The following NECAB2 variants were observed in gnomAD, a reference collection of about 807,000 sequenced individuals.
The protein encoded by NECAB2 is N-terminal EF-hand calcium-binding protein 2.
In NECAB2, 68 loss-of-function variants were observed where a neutral mutation model predicts 51.9. The observed-to-expected ratio is 1.31, with a 90% CI of 1.08 to 1.60. NECAB2 has a LOEUF of 1.60. Ranked by LOEUF, NECAB2 falls within the 40% of genes most tolerant of loss-of-function variation. The pLI is 0.00. For missense variants in NECAB2, 854 were observed against 490.3 expected (o/e 1.74, Z -7.00); for synonymous variants, 329 against 203.5 (o/e 1.62, Z -5.25).
At chr16:83,990,237 G>A (rs1597214509) in intron 5 of NECAB2, among the ~76,000 whole-genome samples, 1 of 152,308 alleles carries the variant, frequency 6.6e-6, no homozygotes, top group East Asian at 1.9e-4. Flanking sequence ...ATGCTTCAGT[G>A]ACCCCATTAT....
In NECAB2 at chr16:84,001,929, G is replaced by T. The variant is rs756782738; in HGVS notation, c.1132+13G>T. ...ATCTTGGTGCCAGGTAGGGGGCAAAGGCCTGGAACTGCAGTGGCCACCTGA... is the reference window on the plus strand; with the variant it reads ...ATCTTGGTGCCAGGTAGGGGGCAAATGCCTGGAACTGCAGTGGCCACCTGA... On this transcript the variant is annotated intron_variant, in intron 12 of 12. Transcript: ENST00000305202. 6.2e-7 allele frequency: 1 copy of T among 1,612,778 alleles called. No individual in the cohort carries two copies. Among genetic ancestry groups the T allele is most frequent in the South Asian group, 1.1e-5 (1 of 90,932 alleles).
chr16:83,969,435 G>A (rs1313925250), intron 1 of NECAB2, among the ~76,000 whole-genome samples: 1 of 151,502 alleles, frequency 6.6e-6, no homozygotes, highest in Non-Finnish European at 1.5e-5. Flanking sequence ...CAGAGCCATC[G>A]CCCATCAGCC....
Position 83,968,721 on chromosome 16 carries a change from C to G in NECAB2, c.73C>G (p.Arg25Gly), listed in dbSNP as rs1338924875. ...GCTCCGGGAGCCGCCGCAGCAGGGC[C>G]GGGCGCTGGGCGGGCTGCTGCGCTG... The part of the protein sequence containing the change: ...RLLREPPQQG[R>G]ALGGLLRWVG... The change falls in exon 1 of 13, where the codon CGG becomes GGG. Residue 25 changes from arginine (R) to glycine (G), a missense_variant. Transcript: ENST00000305202. 9.8e-7 allele frequency: 1 copy of G among 1,021,576 alleles called. No individual in the cohort carries two copies. Among genetic ancestry groups the G allele is most frequent in the African/African-American group, 1.8e-5 (1 of 56,766 alleles). 63.3% of individuals were successfully genotyped at this position (1,021,576 alleles called of 1,614,324 possible).
intron 6 of NECAB2, 98 bp from the exon 7 acceptor site, chr16:83,994,204 C>T (rs1204761763): frequency 1.9e-6 from 2 of 1,071,032 alleles, no homozygotes; most frequent in Non-Finnish European, 1.4e-6. Flanking sequence ...TGTGTGAGTC[C>T]ACTGTCTTGC....
chr16:83,965,291 CG>C, upstream of NECAB2: 2 of 1,600,968 alleles, frequency 1.2e-6, no homozygotes, highest in South Asian at 2.2e-5. Flanking sequence ...GCTGTGGGCC[CG>C]CAACGTGGTC....
At chr16:83,981,315 G>T (rs28634792) in intron 5 of NECAB2, among the ~76,000 whole-genome samples, 188 bp downstream of exon 5, 219 of 152,244 alleles carry the variant, frequency 1.4e-3, no homozygotes, top group African/African-American at 4.8e-3. Flanking sequence ...TTGGTGAATG[G>T]CTCTGGTTGG....
At chr16:84,000,285 T>G (rs931081622) in intron 10 of NECAB2, among the ~76,000 whole-genome samples, 1 of 150,662 alleles carries the variant, frequency 6.6e-6, no homozygotes, top group Non-Finnish European at 1.5e-5. Context: ...ATCCTGGCAC[T>G]TTGGGAAGCC....
rs780103313 is a variant in NECAB2, at chr16:84,001,809, T to C, written c.1041-16T>C. 8.1e-6 allele frequency: 13 copies of C among 1,613,550 alleles called. No homozygotes were observed. The East Asian group carries it at 1.6e-4, about 19-fold the overall frequency. On this transcript the variant is annotated splice_polypyrimidine_tract_variant and intron_variant, in intron 11 of 12. Coordinates refer to ENST00000305202, the MANE Select transcript of NECAB2 (RefSeq NM_019065.3). ...ACTCCTGCCACCCCTGACTCACACA[T>C]GTCCCTGCGTCACAGGCACCTGCAG...
In NECAB2 at chr16:84,001,833, A is replaced by AGG. The variant is rs2084842881; in HGVS notation, c.1050_1051insGG (p.Ser351GlyfsTer16). ...ATGTCCCTGCGTCACAGGCACCTGC[A>AGG]GAGCCCCCTGTGTAAGGCGTTCCGG... On this transcript the variant is annotated frameshift_variant, in exon 12 of 13. Transcript: ENST00000305202. LOFTEE classifies it high-confidence loss of function. The AGG allele has an allele frequency of 6.2e-7, 1 of 1,613,954 alleles. No individual in the cohort carries two copies. The highest frequency in any genetic ancestry group is 1.3e-5 in the African/African-American group (1 of 74,932).
intron 3 of NECAB2, among the ~76,000 whole-genome samples, chr16:83,979,156 C>G (rs1217058315): frequency 6.6e-6 from 1 of 152,174 alleles, no homozygotes; most frequent in African/African-American, 2.4e-5. Flanking sequence ...CCCAGCCTCA[C>G]CTCCAATCTT....
At chr16:84,001,204 C>G (rs143041570) in intron 11 of NECAB2, among the ~76,000 whole-genome samples, 3 of 151,774 alleles carry the variant, frequency 2.0e-5, no homozygotes, top group African/African-American at 7.3e-5. Context: ...GTGCCCGGTA[C>G]GAGGGACGGA....
At chr16:83,997,957 T>C (rs905089039) in intron 9 of NECAB2, among the ~76,000 whole-genome samples, 2 of 152,184 alleles carry the variant, frequency 1.3e-5, no homozygotes, top group East Asian at 1.9e-4. Flanking sequence ...TGGACATGGA[T>C]GGGGCCTCTG....
rs1398958824 is a variant in NECAB2, at chr16:83,968,559, C to T, written c.-90C>T. 3.2e-6 allele frequency: 3 copies of T among 937,190 alleles called. No homozygotes were observed. Among genetic ancestry groups the T allele is most frequent in the African/African-American group, 1.8e-5 (1 of 55,270 alleles). 58.1% of individuals were successfully genotyped at this position (937,190 alleles called of 1,614,324 possible). ...CAGCGGGAGAGAGGGCGGGGCGGCG[C>T]GGGCAGCGCGGGGAGGGGGTCGCGC... On this transcript the variant is annotated 5_prime_UTR_variant, in exon 1 of 13. Coordinates refer to ENST00000305202, the MANE Select transcript of NECAB2 (RefSeq NM_019065.3).
At chr16:83,994,780 C>A in intron 8 of NECAB2, 92 bp downstream of exon 8, 1 of 1,392,024 alleles carries the variant, frequency 7.2e-7, no homozygotes, top group Non-Finnish European at 1.0e-6. Context: ...GTCTGGGCTG[C>A]AGAGGGGCCA....
upstream of NECAB2, chr16:83,966,219 G>T: frequency 1.8e-6 from 1 of 562,860 alleles, no homozygotes; most frequent in African/African-American, 1.9e-5. Flanking sequence ...GGTTGGCCTA[G>T]ACCTGGGATT....
intron 5 of NECAB2, among the ~76,000 whole-genome samples, chr16:83,985,825 C>T (rs996383000): frequency 6.6e-6 from 1 of 152,040 alleles, no homozygotes; most frequent in Non-Finnish European, 1.5e-5. Context: ...TTTTCCATTA[C>T]ATTTGTGTTT....
chr16:83,980,560 A>C (rs946973350), intron 3 of NECAB2, among the ~76,000 whole-genome samples: 8 of 151,870 alleles, frequency 5.3e-5, no homozygotes, highest in African/African-American at 1.9e-4. Flanking sequence ...CCTGGCCCCC[A>C]GCTTGGCCCT....
intron 3 of NECAB2, among the ~76,000 whole-genome samples, chr16:83,980,521 G>T (rs893423024): frequency 3.3e-5 from 5 of 152,034 alleles, no homozygotes; most frequent in Admixed American, 1.3e-4. Flanking sequence ...ACAGTAATGG[G>T]TCCCCACTCT....
chr16:84,002,660 A>C lies in NECAB2; in HGVS notation c.*314A>C. 1 of 460,148 alleles carries C rather than the reference A, an allele frequency of 2.2e-6. No individual in the cohort carries two copies. The highest frequency in any genetic ancestry group is 2.7e-5 in the South Asian group (1 of 36,584). 28.5% of individuals were successfully genotyped at this position (460,148 alleles called of 1,614,324 possible). ...GCCACGCATGACCCACACTGACCAC[A>C]CCCTGCCCTCTTCGGTGACATTCTT... On this transcript the variant is annotated 3_prime_UTR_variant, in exon 13 of 13. Coordinates refer to ENST00000305202, the MANE Select transcript of NECAB2 (RefSeq NM_019065.3).
Sources: allele counts gnomAD v4.1 joint callset (sites outside exome capture counted in the v4.1 genomes callset), GRCh38; gene constraint gnomAD v4.1.1; transcripts MANE v1.5; gene names NCBI Gene and HGNC (gene_info 2026-07-23, HGNC 2026-07-21).